Variants in ZNF367 observed in about 807,000 individuals in gnomAD.
ZNF367 encodes the protein C2H2 zinc finger protein ZFF29.
In ZNF367, 11 loss-of-function variants were observed where a neutral mutation model predicts 31.8. That is an observed-to-expected ratio of 0.35 (90% CI 0.22 to 0.57). The LOEUF (loss-of-function observed/expected upper bound fraction) is 0.57, where lower values mean the gene tolerates loss of function less well. ZNF367 is among the 20% of genes least tolerant of loss of function. The pLI is 0.85. For synonymous variants in ZNF367, 199 were observed against 202.4 expected (o/e 0.98, Z 0.14); for missense variants, 353 against 484.1 (o/e 0.73, Z 2.54).
chr9:96,417,811 G>A lies in ZNF367; in HGVS notation c.222C>T (p.Gly74=). The change falls in exon 1 of 5, where the codon GGC becomes GGT. Residue 74 remains glycine, a synonymous_variant. Transcript: ENST00000375256. This position sits in a 1 kb window ranked among gnomAD's most constrained non-coding sequence, Gnocchi z 5.0. ...SDFMVYPWRW[G]ENAHNVTLSP... The stretch of plus-strand genomic sequence containing the variant: ...TGAGCGTCACGTTGTGTGCGTTCTC[G>A]CCCCAGCGCCACGGGTACACCATGA... 7.1e-7 allele frequency: 1 copy of A among 1,401,686 alleles called. No individual in the cohort carries two copies. Among genetic ancestry groups the A allele is most frequent in the Non-Finnish European group, 9.3e-7 (1 of 1,078,348 alleles). The allele number at this position is 1,401,686 out of a possible 1,614,324, so 86.8% of individuals were successfully genotyped here.
chr9:96,400,098 T>A (rs67739210), intron 1 of ZNF367, among the ~76,000 whole-genome samples: 4,245 of 149,562 alleles, frequency 0.028, 76 homozygotes, highest in Middle Eastern at 0.058. Flanking sequence ...ACACAAAGAG[T>A]CTGAGAAGAA....
At chr9:96,414,985 T>G (rs1001494622) in intron 1 of ZNF367, among the ~76,000 whole-genome samples, 4 of 152,144 alleles carry the variant, frequency 2.6e-5, no homozygotes, top group African/African-American at 9.7e-5. Flanking sequence ...TAATCTAATT[T>G]AGTGTTTTTT....
At chr9:96,392,847 G>A (rs1323454143) in intron 3 of ZNF367, among the ~76,000 whole-genome samples, 1 of 152,224 alleles carries the variant, frequency 6.6e-6, no homozygotes, top group Non-Finnish European at 1.5e-5. Context: ...CACTTTGGGA[G>A]GCCGAGGCAG....
In ZNF367 at chr9:96,388,417, G is replaced by C; in HGVS notation, c.873C>G (p.Gly291=). ...MREQRTPTLK[G]KLVQKADQEQ... ...CCTGATCAGCCTTCTGAACCAGCTT[G>C]CCTTTCAAAGTGGGGGTGCGCTGCT... The change falls in exon 5 of 5, where the codon GGC becomes GGG. Residue 291 remains glycine (G), a synonymous_variant. Coordinates refer to ENST00000375256, the MANE Select transcript of ZNF367 (RefSeq NM_153695.4). 5 of 1,613,996 alleles carry C rather than the reference G, an allele frequency of 3.1e-6. No homozygotes were observed. The highest frequency in any genetic ancestry group is 4.2e-6 in the Non-Finnish European group (5 of 1,180,032).
chr9:96,404,005 G>A (rs1831640441), intron 1 of ZNF367, among the ~76,000 whole-genome samples: 1 of 151,008 alleles, frequency 6.6e-6, no homozygotes, highest in Non-Finnish European at 1.5e-5. Flanking sequence ...ATCAGCCTGG[G>A]CAACCTGGTG....
Position 96,394,864 on chromosome 9 carries a change from C to T in ZNF367, c.650G>A (p.Arg217His). 6.2e-7 allele frequency: 1 copy of T among 1,614,070 alleles called. No homozygotes were observed. The highest frequency in any genetic ancestry group is 1.7e-5 in the Admixed American group (1 of 60,010). ...AAAAGGTTTCTCTCCGGTGTGAAGA[C>T]GCTGATGTGTTTTGAGCTGTCCACT... ...VQSGQLKTHQ[R>H]LHTGEKPFVC... Residue 217 changes from arginine to histidine, a missense_variant, in exon 3 of 5, where the codon CGT (arginine) becomes CAT (histidine). Arg to His is a conservative substitution (Grantham distance 29). This residue lies in a region of ZNF367 where 57 missense variants were observed against 141.9 expected (regional missense o/e 0.40). Coordinates refer to ENST00000375256, the MANE Select transcript of ZNF367 (RefSeq NM_153695.4).
At chr9:96,413,406 G>C (rs376282976) in intron 1 of ZNF367, among the ~76,000 whole-genome samples, 8 of 152,150 alleles carry the variant, frequency 5.3e-5, no homozygotes, top group East Asian at 1.9e-4. Context: ...TATGTATAAA[G>C]TATTTAAAAA....
intron 2 of ZNF367, among the ~76,000 whole-genome samples, chr9:96,397,604 T>C (rs7023649): frequency 4.1e-4 from 63 of 152,300 alleles, no homozygotes; most frequent in African/African-American, 1.5e-3. Context: ...AACATGACTA[T>C]GACATCTAGG....
chr9:96,386,959 C>G lies in ZNF367; in HGVS notation c.*1278G>C, dbSNP rs1831414421. On this transcript the variant is annotated 3_prime_UTR_variant, in exon 5 of 5. Transcript: ENST00000375256. ...ACCATGCTATGCATGTCATTTAGTT[C>G]TGTTTAGAACAAAAGCCAAAATGAT... 1 of 152,158 alleles carries G rather than the reference C, an allele frequency of 6.6e-6. No individual in the cohort carries two copies. Among genetic ancestry groups the G allele is most frequent in the Non-Finnish European group, 1.5e-5 (1 of 68,022 alleles). The allele number at this position is 152,158 out of a possible 1,614,324, so 9.4% of individuals were successfully genotyped here.
chr9:96,390,474 C>T (rs1564139195), intron 4 of ZNF367, among the ~76,000 whole-genome samples: 2 of 152,148 alleles, frequency 1.3e-5, no homozygotes, highest in Non-Finnish European at 2.9e-5. Flanking sequence ...ATCATACTGA[C>T]ATTTTAGAAA....
At chr9:96,399,136 G>C (rs1831568893) in intron 1 of ZNF367, among the ~76,000 whole-genome samples, 1 of 152,108 alleles carries the variant, frequency 6.6e-6, no homozygotes, top group Non-Finnish European at 1.5e-5. Flanking sequence ...AGAAAGTCAT[G>C]CATATATGCC....
chr9:96,408,761 T>C (rs1831704640), intron 1 of ZNF367, among the ~76,000 whole-genome samples: 1 of 152,144 alleles, frequency 6.6e-6, no homozygotes, highest in African/African-American at 2.4e-5. Context: ...TATTATCGGG[T>C]TTTTGCCACA....
rs1831483566 is a variant in ZNF367 at position 96,392,458 on chromosome 9, G to A, written c.770C>T (p.Thr257Met). 6 of 1,614,138 alleles carry A rather than the reference G, an allele frequency of 3.7e-6. No homozygotes were observed. Among genetic ancestry groups the A allele is most frequent in the Non-Finnish European group, 5.1e-6 (6 of 1,179,992 alleles). ...AGCCTGATGTTTGCTGAGTGTGTCC[G>A]TGGGCTCCTCTCTCTTCAGCCTGGC... ...PYARLKREEPTDTLSKHQAAD... is the reference protein window; with the variant it reads ...PYARLKREEPMDTLSKHQAAD... The change falls in exon 4 of 5, where the codon ACG becomes ATG. Residue 257 changes from threonine (T) to methionine (M), a missense_variant. Around this residue, in one of 5 missense-constraint regions of ZNF367, gnomAD observed 101 missense variants for 140.0 expected, o/e 0.72. Coordinates refer to ENST00000375256, the MANE Select transcript of ZNF367 (RefSeq NM_153695.4).
At chr9:96,396,634 C>T (rs1831533620) in intron 2 of ZNF367, among the ~76,000 whole-genome samples, 1 of 151,500 alleles carries the variant, frequency 6.6e-6, no homozygotes, top group South Asian at 2.1e-4. Context: ...TTCTAGAAGG[C>T]ACATTAGAAA....
chr9:96,415,385 T>A (rs2131084444), intron 1 of ZNF367, among the ~76,000 whole-genome samples: 1 of 149,614 alleles, frequency 6.7e-6, no homozygotes, highest in African/African-American at 2.5e-5. Context: ...CCATCTTACA[T>A]CTCACTAGGG....
intron 1 of ZNF367, chr9:96,407,653 A>G: frequency 7.0e-7 from 1 of 1,431,846 alleles, no homozygotes; most frequent in Non-Finnish European, 9.8e-7. Flanking sequence ...CCCTCTGCCT[A>G]AAGTACGTGC....
At chr9:96,410,155 C>G (rs943426274) in intron 1 of ZNF367, among the ~76,000 whole-genome samples, 3 of 151,608 alleles carry the variant, frequency 2.0e-5, no homozygotes, top group Admixed American at 2.0e-4. Context: ...CCCAGCTACT[C>G]GGGAGGCTGA....
chr9:96,416,141 G>A (rs1831827729), intron 1 of ZNF367, among the ~76,000 whole-genome samples: 1 of 145,608 alleles, frequency 6.9e-6, no homozygotes, highest in Non-Finnish European at 1.5e-5. Flanking sequence ...AGGCTGGAGC[G>A]CAGTGGCCTG....
In ZNF367 at chr9:96,417,801, G is replaced by A. The variant is rs1587752667; in HGVS notation, c.232C>T (p.His78Tyr). Residue 78 changes from histidine to tyrosine, a missense_variant, in exon 1 of 5, where the codon CAC (histidine) becomes TAC (tyrosine). This residue lies in a region of ZNF367 where 31 missense variants were observed against 58.4 expected (regional missense o/e 0.53). Transcript: ENST00000375256. The surrounding 1 kb of genome is among the most constrained non-coding windows in gnomAD (Gnocchi z 5.0). ...VYPWRWGENA[H>Y]NVTLSPGAAG... ...GCCCCAGGGCTGAGCGTCACGTTGT[G>A]TGCGTTCTCGCCCCAGCGCCACGGG... 7 of 1,378,568 alleles carry A rather than the reference G, an allele frequency of 5.1e-6. No individual in the cohort carries two copies. In the East Asian group the frequency reaches 1.7e-4, roughly 34 times the overall value. 85.4% of individuals were successfully genotyped at this position (1,378,568 alleles called of 1,614,324 possible).
Sources: allele counts gnomAD v4.1 joint callset (sites outside exome capture counted in the v4.1 genomes callset), GRCh38; gene constraint gnomAD v4.1.1; regional missense constraint gnomAD v4.1.1; non-coding constraint Gnocchi (gnomAD v3.1); transcripts MANE v1.5; gene names NCBI Gene and HGNC (gene_info 2026-07-23, HGNC 2026-07-21).